Variants in GABRG3 observed in about 807,000 individuals in gnomAD.
GABRG3 encodes the protein gamma-aminobutyric acid type A receptor subunit gamma3.
A neutral mutation model predicts 48.8 loss-of-function variants in GABRG3; 25 were observed. That is an observed-to-expected ratio of 0.51 (90% CI 0.37 to 0.72). The LOEUF (loss-of-function observed/expected upper bound fraction) is 0.72, where lower values mean the gene tolerates loss of function less well. Ranked by LOEUF, GABRG3 falls within the 30% of genes least tolerant of loss-of-function variation. GABRG3 has a pLI of 0.00. For synonymous variants in GABRG3, 227 were observed against 217.6 expected (o/e 1.04, Z -0.38); for missense variants, 394 against 577.9 (o/e 0.68, Z 3.26).
chr15:27,374,138 C>CTTTTTTTTTTTTTTTTTTTTT (rs201839822), intron 5 of GABRG3, among the ~76,000 whole-genome samples: 1 of 91,670 alleles, frequency 1.1e-5, no homozygotes, highest in Non-Finnish European at 2.2e-5. Context: ...TTCTTTTCTT[C>CTTTTTTTTTTTTTTTTTTTTT]TTTTTTTTTT....
intron 5 of GABRG3, chr15:27,365,373 A>C (rs1407604184): frequency 2.0e-5 from 3 of 149,734 alleles, no homozygotes; most frequent in African/African-American, 7.4e-5. Flanking sequence ...TCCGCAGTGC[A>C]AGATCCAGTC....
chr15:27,351,968 C>G (rs1894628618), intron 5 of GABRG3, among the ~76,000 whole-genome samples: 1 of 130,326 alleles, frequency 7.7e-6, no homozygotes, highest in African/African-American at 2.9e-5. Flanking sequence ...TGGTGTATGT[C>G]TGTATAATGT....
At chr15:27,340,447 A>G (rs1894132289) in intron 5 of GABRG3, 1 of 152,258 alleles carries the variant, frequency 6.6e-6, no homozygotes, top group African/African-American at 2.4e-5. Flanking sequence ...GTCTGTGCAA[A>G]GATTGCAAAT....
At chr15:27,305,727 TATATA>T (rs1172742766) in intron 3 of GABRG3, among the ~76,000 whole-genome samples, 1 of 5,884 alleles carries the variant, frequency 1.7e-4, no homozygotes, top group African/African-American at 4.8e-4. Flanking sequence ...TATATAAACA[TATATA>T]ATATAAACCT....
intron 5 of GABRG3, among the ~76,000 whole-genome samples, chr15:27,456,349 G>A (rs1205147373): frequency 6.6e-6 from 1 of 152,186 alleles, no homozygotes; most frequent in Non-Finnish European, 1.5e-5. Flanking sequence ...TGAAAACACT[G>A]GGTCAACTGC....
intron 3 of GABRG3, among the ~76,000 whole-genome samples, chr15:27,318,837 A>G (rs1224827993): frequency 6.6e-6 from 1 of 152,122 alleles, no homozygotes; most frequent in African/African-American, 2.4e-5. Flanking sequence ...TGCTGAGTGC[A>G]GTCATTGGAA....
At chr15:27,022,922 G>A (rs1168664978) in intron 2 of GABRG3, among the ~76,000 whole-genome samples, 2 of 152,324 alleles carry the variant, frequency 1.3e-5, no homozygotes, top group South Asian at 2.1e-4. Context: ...GGCAGCCCAT[G>A]TACTCCCCTT....
chr15:27,057,832 A>T (rs7403557), intron 3 of GABRG3, among the ~76,000 whole-genome samples: 2 of 151,988 alleles, frequency 1.3e-5, no homozygotes, highest in Non-Finnish European at 2.9e-5. Context: ...AAGAAGTCCC[A>T]CTGATGAAGA....
At chr15:27,442,533 A>G (rs1888821301) in intron 5 of GABRG3, among the ~76,000 whole-genome samples, 1 of 152,142 alleles carries the variant, frequency 6.6e-6, no homozygotes, top group Non-Finnish European at 1.5e-5. Context: ...CCCAGCATAC[A>G]CGCATCCTAG....
In GABRG3 at chr15:27,278,329, C is replaced by T. The variant is rs117298374; in HGVS notation, c.271-48480C>T. Among the ~76,000 whole-genome samples the T allele has an allele frequency of 0.016, 2,424 of 152,186 alleles. 145 individuals are homozygous for T. The East Asian group carries it at 0.2, about 13-fold the overall frequency. On this transcript the variant is annotated intron_variant, in intron 3 of 9. Coordinates refer to ENST00000615808, the MANE Select transcript of GABRG3 (RefSeq NM_033223.5). ...CCTCCCCAAATGCTGAAATTACAGG[C>T]GTGAGCCACTGCGCCTGGCCTCGGT... is the stretch of plus-strand genomic sequence containing the variant.
intron 3 of GABRG3, among the ~76,000 whole-genome samples, chr15:27,106,056 T>C (rs748801578): frequency 1.4e-4 from 21 of 152,180 alleles, no homozygotes; most frequent in Middle Eastern, 3.4e-3. Context: ...ATCTCACTTA[T>C]ATATGCAATG....
rs932974320 is a variant in GABRG3 at position 27,447,688 on chromosome 15, C to A, written c.575-32962C>A. Among the ~76,000 whole-genome samples the A allele has an allele frequency of 6.6e-6, 1 of 152,188 alleles. No individual in the cohort carries two copies. Among genetic ancestry groups the A allele is most frequent in the Non-Finnish European group, 1.5e-5 (1 of 68,040 alleles). On this transcript the variant is annotated intron_variant, in intron 5 of 9. Transcript: ENST00000615808. The surrounding 1 kb of genome is among the most constrained non-coding windows in gnomAD (Gnocchi z 4.0). ...ATGCAGCCATAAAAAAGGATGAGTT[C>A]ATTTCCTTTGCAGAGACATGGATGA...
At chr15:27,388,181 AGGGAGGGAGGGT>A (rs1896044024) in intron 5 of GABRG3, among the ~76,000 whole-genome samples, 1 of 65,666 alleles carries the variant, frequency 1.5e-5, no homozygotes, top group East Asian at 3.5e-3. Context: ...GAAGGAAAGG[AGGGAGGGAGGGT>A]AAGGAAGGAA....
At chr15:27,483,737 A>G (rs1457794239) in intron 6 of GABRG3, among the ~76,000 whole-genome samples, 1 of 152,174 alleles carries the variant, frequency 6.6e-6, no homozygotes, top group East Asian at 1.9e-4. Context: ...TGGTATAGAA[A>G]TCACATTCAA....
chr15:27,407,231 G>A (rs1334593329), intron 5 of GABRG3, among the ~76,000 whole-genome samples: 1 of 151,988 alleles, frequency 6.6e-6, no homozygotes, highest in African/African-American at 2.4e-5. Context: ...CGGCTCTAAA[G>A]CAAATGTTTA....
intron 2 of GABRG3, among the ~76,000 whole-genome samples, chr15:26,984,581 C>G (rs1307321607): frequency 6.6e-6 from 1 of 152,098 alleles, no homozygotes; most frequent in Non-Finnish European, 1.5e-5. Context: ...TTAAGTAATG[C>G]TTCAGCCCTG....
chr15:27,274,846 A>G (rs893381310), intron 3 of GABRG3, among the ~76,000 whole-genome samples: 4 of 152,260 alleles, frequency 2.6e-5, no homozygotes, highest in African/African-American at 9.6e-5. Flanking sequence ...CATGACAAGT[A>G]ATAGCATTTT....
intron 3 of GABRG3, among the ~76,000 whole-genome samples, chr15:27,290,435 T>C (rs529120887): frequency 1.6e-4 from 24 of 152,176 alleles, no homozygotes; most frequent in African/African-American, 5.8e-4. Context: ...GACTTTACAG[T>C]GGAGAAAGCT....
chr15:27,062,708 T>C (rs753354058), intron 3 of GABRG3, among the ~76,000 whole-genome samples: 25 of 152,148 alleles, frequency 1.6e-4, no homozygotes, highest in Non-Finnish European at 3.1e-4. Context: ...TTTAACTAAC[T>C]GTGAACAATC....
Sources: gnomAD v4.1 joint callset for allele counts (sites outside exome capture counted in the v4.1 genomes callset) on GRCh38, gnomAD v4.1.1 for gene constraint, Gnocchi (gnomAD v3.1) non-coding constraint, MANE v1.5 for transcripts, NCBI Gene and HGNC (gene_info 2026-07-23, HGNC 2026-07-21) for gene names.